Variants in REDIC1 observed in about 807,000 individuals in gnomAD.
REDIC1 encodes the protein regulator of DNA class I crossover intermediates 1, also known as HEI10 Interacting Protein 1.
the REDIC1 span, among the ~76,000 whole-genome samples, chr12:39,779,724 T>G: frequency 6.6e-6 from 1 of 152,240 alleles, no homozygotes; most frequent in African/African-American, 2.4e-5. Context: ...AAAACGTGAC[T>G]GTCTGTGATG....
At chr12:39,893,808 C>A in the REDIC1 span, among the ~76,000 whole-genome samples, 11 of 152,202 alleles carry the variant, frequency 7.2e-5, 1 homozygote, top group South Asian at 2.1e-3. Context: ...TACTTTAAGC[C>A]CACAAAATAA....
the REDIC1 span, among the ~76,000 whole-genome samples, chr12:39,876,996 C>T: frequency 6.6e-6 from 1 of 152,024 alleles, no homozygotes; most frequent in African/African-American, 2.4e-5. Flanking sequence ...GTTCCTAGTG[C>T]TATAAATATA....
chr12:39,808,228 T>G, the REDIC1 span, among the ~76,000 whole-genome samples: 4 of 152,278 alleles, frequency 2.6e-5, no homozygotes, highest in South Asian at 8.3e-4. Context: ...ATCTGGCTTT[T>G]TTGCCCAACA....
chr12:39,769,557 C>A, the REDIC1 span, among the ~76,000 whole-genome samples: 5 of 151,978 alleles, frequency 3.3e-5, no homozygotes, highest in Non-Finnish European at 5.9e-5. Context: ...GTGTAGGCTT[C>A]CTTCCTCCCT....
the REDIC1 span, among the ~76,000 whole-genome samples, chr12:39,728,306 A>G: frequency 1.3e-5 from 2 of 152,140 alleles, no homozygotes; most frequent in Non-Finnish European, 2.9e-5. Context: ...TATTATTTTG[A>G]GATTCATTCC....
At chr12:39,643,888 A>T in the REDIC1 span, 1 of 1,560,180 alleles carries the variant, frequency 6.4e-7, no homozygotes, top group Non-Finnish European at 8.7e-7. Context: ...TATATGGTAA[A>T]TCAGATATCT....
chr12:39,755,866 T>G, the REDIC1 span: 4 of 152,072 alleles, frequency 2.6e-5, no homozygotes, highest in African/African-American at 7.2e-5. Context: ...TAAAATACTT[T>G]CATGAACTTC....
the REDIC1 span, among the ~76,000 whole-genome samples, chr12:39,713,402 G>A: frequency 0.01 from 92 of 8,820 alleles, no homozygotes; most frequent in Non-Finnish European, 0.023. Flanking sequence ...AGACACATAC[G>A]TATGTATACA....
chr12:39,893,925 TTAAC>T, the REDIC1 span, among the ~76,000 whole-genome samples: 1 of 152,196 alleles, frequency 6.6e-6, no homozygotes, highest in Non-Finnish European at 1.5e-5. Flanking sequence ...GAACAATAAA[TTAAC>T]TTTCACAATT....
the REDIC1 span, among the ~76,000 whole-genome samples, chr12:39,848,731 T>C: frequency 3.3e-5 from 5 of 152,194 alleles, no homozygotes; most frequent in Admixed American, 6.5e-5. Flanking sequence ...GGAATGTTCA[T>C]TGTACCACTA....
At chr12:39,657,015 T>C in the REDIC1 span, among the ~76,000 whole-genome samples, 1 of 152,182 alleles carries the variant, frequency 6.6e-6, no homozygotes, top group African/African-American at 2.4e-5. Context: ...AAAATAAATT[T>C]AGTGAAGCGT....
At chr12:39,800,545 G>C in the REDIC1 span, among the ~76,000 whole-genome samples, 1 of 111,436 alleles carries the variant, frequency 9.0e-6, no homozygotes, top group South Asian at 3.6e-4. Context: ...ACCACTATGA[G>C]ATATCATCTC....
At chr12:39,812,996 ATTTTTTTTTTTTTTTT>A in the REDIC1 span, among the ~76,000 whole-genome samples, 1 of 40,602 alleles carries the variant, frequency 2.5e-5, no homozygotes, top group African/African-American at 9.3e-5. Flanking sequence ...TGCCCAGCTA[ATTTTTTTTTTTTTTTT>A]TTTTTTTTTT....
chr12:39,838,654 T>C, the REDIC1 span, among the ~76,000 whole-genome samples: 3 of 152,058 alleles, frequency 2.0e-5, no homozygotes, highest in African/African-American at 7.2e-5. Flanking sequence ...CTGCTTAGTG[T>C]CTAAGGAAGA....
At chr12:39,682,965 A>G in the REDIC1 span, 1 of 1,613,476 alleles carries the variant, frequency 6.2e-7, no homozygotes, top group Non-Finnish European at 8.5e-7. Context: ...GATGCATTAG[A>G]AACATTTTTA....
the REDIC1 span, among the ~76,000 whole-genome samples, chr12:39,780,957 T>G: frequency 1.3e-5 from 2 of 152,250 alleles, no homozygotes; most frequent in Non-Finnish European, 2.9e-5. Flanking sequence ...ATAAGAGCTT[T>G]GTAAATAATG....
At chr12:39,658,873 A>T in the REDIC1 span, among the ~76,000 whole-genome samples, 1 of 151,998 alleles carries the variant, frequency 6.6e-6, no homozygotes, top group African/African-American at 2.4e-5. Flanking sequence ...TTTGTGTTAT[A>T]TTCGTACATT....
At chr12:39,760,230 T>G in the REDIC1 span, 44 of 1,612,166 alleles carry the variant, frequency 2.7e-5, no homozygotes, top group South Asian at 4.3e-4. Context: ...CAGCAGCAAA[T>G]CCAGCATAGA....
chr12:39,715,404 T>A, the REDIC1 span, among the ~76,000 whole-genome samples: 2 of 151,940 alleles, frequency 1.3e-5, no homozygotes, highest in Non-Finnish European at 1.5e-5. Context: ...TTCTCTATTC[T>A]GTTCCATTGG....
Sources: allele counts gnomAD v4.1 joint callset (sites outside exome capture counted in the v4.1 genomes callset), GRCh38; gene constraint gnomAD v4.1.1; transcripts MANE v1.5; gene names NCBI Gene and HGNC (gene_info 2026-07-23, HGNC 2026-07-21).